The following PM20D1 variants were observed in gnomAD, a reference collection of about 807,000 sequenced individuals.
PM20D1 encodes N-fatty-acyl-amino acid synthase/hydrolase PM20D1.
PM20D1 carries 53 observed loss-of-function variants against 53.8 expected under a neutral mutation model. The observed-to-expected ratio is 0.98, with a 90% CI of 0.79 to 1.24. PM20D1 has a LOEUF of 1.24. Ranked by LOEUF, PM20D1 falls within the 50% of genes most tolerant of loss-of-function variation. The pLI, the probability that PM20D1 is intolerant of heterozygous loss-of-function variation, is 0.00. For synonymous variants in PM20D1, 239 were observed against 241.3 expected, an observed-to-expected ratio of 0.99 and a Z score of 0.09; for missense variants, 564 against 616.8, an observed-to-expected ratio of 0.91 and a Z score of 0.91.
intron 10 of PM20D1, among the ~76,000 whole-genome samples, chr1:205,836,440 A>C (rs569613049): frequency 1.4e-4 from 21 of 152,316 alleles, no homozygotes; most frequent in Non-Finnish European, 2.5e-4. Flanking sequence ...GCTATATACC[A>C]TTCCATTTTT....
chr1:205,837,487 A>G (rs1656708062), intron 10 of PM20D1, among the ~76,000 whole-genome samples: 1 of 152,140 alleles, frequency 6.6e-6, no homozygotes, highest in African/African-American at 2.4e-5. Context: ...CCTATCTACA[A>G]CTGAAGTTGA....
At chr1:205,830,018 G>A (rs1656523147) in intron 12 of PM20D1, 4 of 374,092 alleles carry the variant, frequency 1.1e-5, no homozygotes, top group South Asian at 8.1e-5. Context: ...CAAGGGTACC[G>A]ATTCCACCAG....
At chr1:205,829,241 C>A (rs1402333776) in intron 12 of PM20D1, among the ~76,000 whole-genome samples, 1 of 152,146 alleles carries the variant, frequency 6.6e-6, no homozygotes, top group Non-Finnish European at 1.5e-5. Flanking sequence ...GTTGCCCAGG[C>A]TGGTCTCAAA....
In PM20D1 at chr1:205,847,011, T is replaced by C. The variant is rs1571682095; in HGVS notation, c.256+874A>G. ...GTTTTTTCCTTCCTTCCTTTCTTTT[T>C]TTTTTTTTTTTTTTTTTTTTTTCAG... On this transcript the variant is annotated intron_variant, in intron 2 of 12. Transcript: ENST00000367136. 5.5e-5 allele frequency among the ~76,000 whole-genome samples: 7 copies of C among 127,684 alleles called. No individual in the cohort carries two copies. The South Asian group carries it at 1.1e-3, about 20-fold the overall frequency. The allele number at this position is 127,684 out of a possible 152,430, so 83.8% of individuals were successfully genotyped here. A position where few individuals can be genotyped will look rare whatever the true frequency, so the allele number is the denominator to read the frequency against.
intron 6 of PM20D1, 94 bp from the exon 7 acceptor site, chr1:205,842,845 A>T: frequency 8.8e-7 from 1 of 1,134,420 alleles, no homozygotes; most frequent in African/African-American, 1.5e-5. Context: ...GGAAGTTTCA[A>T]CGCTCCTGGC....
Position 205,828,694 on chromosome 1 carries a change from C to T in PM20D1, c.1435G>A (p.Val479Met). 1 of 1,614,144 alleles carries T rather than the reference C, an allele frequency of 6.2e-7. No individual in the cohort carries two copies. Among genetic ancestry groups the T allele is most frequent in the Non-Finnish European group, 8.5e-7 (1 of 1,180,020 alleles). ...TGAATCAACTCAAAGATGAATTTCA[C>T]TTGGGTCTCATAGGCTTGGACTGAG... is the stretch of plus-strand genomic sequence containing the variant. ...KISVQAYETQ[V>M]KFIFELIQNA... The change falls in exon 13 of 13, where the codon GTG (valine) becomes ATG (methionine). Residue 479 changes from valine (V) to methionine (M), a missense_variant. By Grantham distance (21) the Val-to-Met change is conservative (BLOSUM62 1). Transcript: ENST00000367136.
rs976612277 is a variant in PM20D1 at position 205,842,576 on chromosome 1, T to C, written c.903+100A>G. The stretch of plus-strand genomic sequence containing the variant: ...TGGGAATAGGTGAGAATAGGCAGAG[T>C]GCTGGACAGTACTAGGGTCCTTTTC... On this transcript the variant is annotated intron_variant, in intron 7 of 12. Coordinates refer to ENST00000367136, the MANE Select transcript of PM20D1 (RefSeq NM_152491.5). The C allele has an allele frequency of 5.1e-6, 6 of 1,175,360 alleles. 1 individual carries two copies. The South Asian group carries it at 7.7e-5, about 15-fold the overall frequency. The allele number at this position is 1,175,360 out of a possible 1,614,324, so 72.8% of individuals were successfully genotyped here.
chr1:205,842,433 A>T (rs1363978407), intron 7 of PM20D1, among the ~76,000 whole-genome samples: 1 of 152,134 alleles, frequency 6.6e-6, no homozygotes. Flanking sequence ...TTGCTTAGCA[A>T]CCTCAAGGAT....
At chr1:205,835,410 C>G (rs1315903147) in intron 10 of PM20D1, among the ~76,000 whole-genome samples, 2 of 152,228 alleles carry the variant, frequency 1.3e-5, no homozygotes, top group African/African-American at 4.8e-5. Flanking sequence ...GTGACCATTA[C>G]TGGAGTTAAT....
At chr1:205,830,715 C>T (rs961864012) in intron 11 of PM20D1, among the ~76,000 whole-genome samples, 3 of 151,798 alleles carry the variant, frequency 2.0e-5, no homozygotes, top group Non-Finnish European at 4.4e-5. Flanking sequence ...TTCCCCATGA[C>T]GCCCAGGGTG....
rs750662275 is a variant in PM20D1, at chr1:205,845,377, C to T, written c.437G>A (p.Arg146His). ...GCCCCGACCATAGATGATGCCATCA[C>T]GCTCCAACCCAGAGAATGGGGGCAC... is the stretch of plus-strand genomic sequence containing the variant. ...WEVPPFSGLERDGIIYGRGTL... is the reference protein window; with the variant it reads ...WEVPPFSGLEHDGIIYGRGTL... The change falls in exon 3 of 13, where the codon CGT (arginine) becomes CAT (histidine). Residue 146 changes from arginine (R) to histidine (H), a missense_variant. Physicochemically the swap from Arg to His is conservative, Grantham distance 29. Transcript: ENST00000367136. The T allele has an allele frequency of 6.1e-5, 98 of 1,614,044 alleles. No individual in the cohort carries two copies. The Admixed American group carries it at 1.4e-3, about 23-fold the overall frequency.
chr1:205,839,386 T>G (rs943232830), intron 10 of PM20D1, among the ~76,000 whole-genome samples: 3 of 152,222 alleles, frequency 2.0e-5, no homozygotes, highest in Admixed American at 2.0e-4. Context: ...AATCATAGTT[T>G]AGGGTTGTGG....
At chr1:205,841,692 C>T (rs1656811729) in intron 9 of PM20D1, 119 bp downstream of exon 9, 2 of 1,065,422 alleles carry the variant, frequency 1.9e-6, no homozygotes, top group Non-Finnish European at 1.4e-6. Flanking sequence ...CTTTGCGTGG[C>T]TAGGCTTGGA....
At chr1:205,840,210 C>G (rs1226876552) in intron 10 of PM20D1, 42 bp downstream of exon 10, 4 of 1,573,906 alleles carry the variant, frequency 2.5e-6, no homozygotes, top group Non-Finnish European at 3.5e-6. Context: ...CCACATCTCC[C>G]TGATGCTGCA....
Position 205,842,216 on chromosome 1 carries a change from C to T in PM20D1, c.904-1G>A. On this transcript the variant is annotated splice_acceptor_variant, in intron 7 of 12. Transcript: ENST00000367136. LOFTEE classifies it high-confidence loss of function. ...GGATTATATTGACAGGGAAGGGAAA[C>T]TGGGAAAGAACAAGGTCAGCACCAC... 4 of 1,612,404 alleles carry T rather than the reference C, an allele frequency of 2.5e-6. No homozygotes were observed. The South Asian group carries it at 4.4e-5, about 18-fold the overall frequency.
At chr1:205,844,347 C>T in intron 4 of PM20D1, 130 bp from the exon 5 acceptor site, 2 of 1,145,190 alleles carry the variant, frequency 1.7e-6, no homozygotes, top group South Asian at 2.7e-5. Context: ...TCCTGGGAGC[C>T]AGGGCCCTAG....
Position 205,840,147 on chromosome 1 carries a change from A to G in PM20D1, c.1116+105T>C, listed in dbSNP as rs1253642150. 3 of 906,732 alleles carry G rather than the reference A, an allele frequency of 3.3e-6. No individual in the cohort carries two copies. In the Admixed American group the frequency reaches 9.5e-5, roughly 29 times the overall value. The allele number at this position is 906,732 out of a possible 1,614,324, so 56.2% of individuals were successfully genotyped here. A position where few individuals can be genotyped will look rare whatever the true frequency, so the allele number is the denominator to read the frequency against. ...TGTCTTTGAAAAATGTTGGTTGAAT[A>G]AATGGGACACTGGACCAGCCCTAGG... On this transcript the variant is annotated intron_variant, in intron 10 of 12. Transcript: ENST00000367136.
intron 10 of PM20D1, among the ~76,000 whole-genome samples, chr1:205,835,975 G>C (rs1255483592): frequency 6.6e-6 from 1 of 151,840 alleles, no homozygotes; most frequent in East Asian, 1.9e-4. Flanking sequence ...TCCTGGGTTC[G>C]AGTGATTCTC....
At chr1:205,840,704 A>G (rs1267658268) in intron 9 of PM20D1, among the ~76,000 whole-genome samples, 2 of 152,194 alleles carry the variant, frequency 1.3e-5, no homozygotes, top group African/African-American at 4.8e-5. Flanking sequence ...TGTTAACATT[A>G]GTGCTTACTC....
Sources: gnomAD v4.1 joint callset for allele counts (sites outside exome capture counted in the v4.1 genomes callset) on GRCh38, gnomAD v4.1.1 for gene constraint, MANE v1.5 for transcripts, NCBI Gene and HGNC (gene_info 2026-07-23, HGNC 2026-07-21) for gene names.